The following ZCCHC7 variants were observed in gnomAD, a reference collection of about 807,000 sequenced individuals.
The protein encoded by ZCCHC7 is zinc finger CCHC-type containing 7.
Under a neutral mutation model 52.0 loss-of-function variants are expected in ZCCHC7, and 35 were observed. The ratio of observed to expected loss-of-function variants is 0.67; its 90% CI spans 0.51 to 0.89. The LOEUF is 0.89. Among genes scored for constraint, ZCCHC7 ranks in the 40% least tolerant of loss-of-function variants. The probability of loss-of-function intolerance (pLI) is 0.00; values close to 1 mark genes in which losing one functional copy is unlikely to be tolerated. For synonymous variants in ZCCHC7, 217 were observed against 221.5 expected, an observed-to-expected ratio of 0.98 and a Z score of 0.18; for missense variants, 574 against 649.1, an observed-to-expected ratio of 0.88 and a Z score of 1.26.
intron 2 of ZCCHC7, among the ~76,000 whole-genome samples, chr9:37,288,308 C>CTATA (rs1828358509): frequency 6.8e-6 from 1 of 147,764 alleles, no homozygotes; most frequent in Admixed American, 6.7e-5. Context: ...ATCTATCTAT[C>CTATA]TATATAGATA....
At chr9:37,294,628 A>G (rs1037224624) in intron 2 of ZCCHC7, among the ~76,000 whole-genome samples, 1 of 152,198 alleles carries the variant, frequency 6.6e-6, no homozygotes, top group African/African-American at 2.4e-5. Context: ...TTATATAATG[A>G]TAGTTCATTA....
chr9:37,307,007 A>G (rs1255913435), intron 5 of ZCCHC7, among the ~76,000 whole-genome samples: 1 of 150,748 alleles, frequency 6.6e-6, no homozygotes, highest in Non-Finnish European at 1.5e-5. Flanking sequence ...GCTGGTCTCG[A>G]ACTCCTGACC....
At chr9:37,305,272 C>T (rs77882755) in intron 4 of ZCCHC7, among the ~76,000 whole-genome samples, 7,724 of 152,234 alleles carry the variant, frequency 0.051, 640 homozygotes, top group African/African-American at 0.17. Flanking sequence ...TACTTTCCCT[C>T]TTACATACCT....
At chr9:37,196,993 G>A (rs1265784131) in intron 2 of ZCCHC7, among the ~76,000 whole-genome samples, 1 of 152,138 alleles carries the variant, frequency 6.6e-6, no homozygotes, top group East Asian at 1.9e-4. Flanking sequence ...GTTATATATT[G>A]TAACGTATTA....
chr9:37,345,170 T>C (rs887506602), intron 6 of ZCCHC7, among the ~76,000 whole-genome samples: 1 of 152,246 alleles, frequency 6.6e-6, no homozygotes, highest in African/African-American at 2.4e-5. Flanking sequence ...CTTCATCTTA[T>C]ATAACCCATC....
At chr9:37,140,022 G>A (rs1349894115) in intron 2 of ZCCHC7, among the ~76,000 whole-genome samples, 1 of 151,806 alleles carries the variant, frequency 6.6e-6, no homozygotes, top group African/African-American at 2.4e-5. Flanking sequence ...CTTTAAAAAA[G>A]CCAGGTGAGG....
At position 37,305,599 on chromosome 9, in the gene ZCCHC7, C is replaced by T. The variant is rs140562221; in HGVS notation, c.836C>T (p.Pro279Leu). The T allele has an allele frequency of 9.9e-6, 16 of 1,613,928 alleles. No individual in the cohort carries two copies. The highest frequency in any genetic ancestry group is 1.4e-5 in the Non-Finnish European group (16 of 1,180,004). Residue 279 changes from proline (P) to leucine (L), a missense_variant, in exon 5 of 9, where the codon CCA (proline) becomes CTA (leucine). Coordinates refer to ENST00000336755, the MANE Select transcript of ZCCHC7 (RefSeq NM_032226.3). Reference protein sequence around the residue: ...SRRGHLLYSCPAPLCEYCPVP... With the variant: ...SRRGHLLYSCLAPLCEYCPVP... ...AGAGGACATCTCCTGTATTCCTGTC[C>T]AGCCCCCCTTTGCGAATACTGTCCT... is the stretch of plus-strand genomic sequence containing the variant.
At chr9:37,184,145 G>A (rs566328678) in intron 2 of ZCCHC7, among the ~76,000 whole-genome samples, 3 of 152,210 alleles carry the variant, frequency 2.0e-5, no homozygotes, top group East Asian at 3.8e-4. Context: ...TATTTTGTAC[G>A]TTTTGGAAGC....
intron 6 of ZCCHC7, among the ~76,000 whole-genome samples, chr9:37,329,236 TA>T (rs1338767176): frequency 2.3e-4 from 35 of 151,958 alleles, no homozygotes; most frequent in African/African-American, 7.5e-4. Context: ...AGTATGATTT[TA>T]AAGCTGCTCT....
intron 2 of ZCCHC7, among the ~76,000 whole-genome samples, chr9:37,152,191 TAAAC>T (rs1202197259): frequency 6.6e-6 from 1 of 152,136 alleles, no homozygotes; most frequent in African/African-American, 2.4e-5. Flanking sequence ...GGTAGGAAAA[TAAAC>T]TTGAACTTCC....
intron 2 of ZCCHC7, among the ~76,000 whole-genome samples, chr9:37,206,435 G>A (rs1012093331): frequency 2.1e-4 from 32 of 151,832 alleles, no homozygotes; most frequent in African/African-American, 7.0e-4. Flanking sequence ...TTGGCTCAGC[G>A]CAACCTGCTG....
At chr9:37,201,435 C>T (rs777043949) in intron 2 of ZCCHC7, among the ~76,000 whole-genome samples, 4 of 152,110 alleles carry the variant, frequency 2.6e-5, no homozygotes, top group Non-Finnish European at 2.9e-5. Flanking sequence ...CCTGCTTGTA[C>T]GGCTAAGGAG....
chr9:37,354,658 G>T lies in ZCCHC7; in HGVS notation c.1084-52G>T. ...ACATGCTCCAGAATCTTGCAAAAAGGTTTTTGAACAGTGTGACCATGTGAC... is the reference window on the plus strand; with the variant it reads ...ACATGCTCCAGAATCTTGCAAAAAGTTTTTTGAACAGTGTGACCATGTGAC... On this transcript the variant is annotated intron_variant, in intron 7 of 8. Coordinates refer to ENST00000336755, the MANE Select transcript of ZCCHC7 (RefSeq NM_032226.3). The surrounding 1 kb of genome is among the most constrained non-coding windows in gnomAD (Gnocchi z 4.0). 1 of 1,359,132 alleles carries T rather than the reference G, an allele frequency of 7.4e-7. No homozygotes were observed. 84.2% of individuals were successfully genotyped at this position (1,359,132 alleles called of 1,614,324 possible).
chr9:37,278,034 G>GTGTGTTTTGTTTTGTTTTGTTTTGTTT (rs74182939), intron 2 of ZCCHC7, among the ~76,000 whole-genome samples: 15,831 of 142,654 alleles, frequency 0.11, 1,100 homozygotes, highest in Non-Finnish European at 0.15. Flanking sequence ...GTGTGTGTGT[G>GTGTGTTTTGTTTTGTTTTGTTTTGTTT]TGTTTTGTTT....
At chr9:37,163,901 T>C (rs894436716) in intron 2 of ZCCHC7, among the ~76,000 whole-genome samples, 1 of 152,212 alleles carries the variant, frequency 6.6e-6, no homozygotes, top group East Asian at 1.9e-4. Context: ...TATGGAGATA[T>C]CTAACTTCTA....
intron 8 of ZCCHC7, among the ~76,000 whole-genome samples, chr9:37,355,688 C>T (rs1821657110): frequency 6.6e-6 from 1 of 152,186 alleles, no homozygotes; most frequent in South Asian, 2.1e-4. Flanking sequence ...GTTGACTCTG[C>T]AGAACCTGAT....
chr9:37,301,047 A>C (rs1175114079), intron 2 of ZCCHC7, among the ~76,000 whole-genome samples: 1 of 152,272 alleles, frequency 6.6e-6, no homozygotes, highest in Admixed American at 6.5e-5. Flanking sequence ...CTAAGAACCT[A>C]ACCCTATTAG....
chr9:37,258,181 C>CT (rs1323787908), intron 2 of ZCCHC7, among the ~76,000 whole-genome samples: 1 of 152,126 alleles, frequency 6.6e-6, no homozygotes, highest in Admixed American at 6.5e-5. Context: ...GAGCACTATC[C>CT]TTTATGTCTC....
chr9:37,211,824 C>T (rs1405827375), intron 2 of ZCCHC7, among the ~76,000 whole-genome samples: 1 of 151,770 alleles, frequency 6.6e-6, no homozygotes, highest in African/African-American at 2.4e-5. Context: ...GTCAGGAGAT[C>T]GAGACCATCC....
Sources: allele counts gnomAD v4.1 joint callset (sites outside exome capture counted in the v4.1 genomes callset), GRCh38; gene constraint gnomAD v4.1.1; non-coding constraint Gnocchi (gnomAD v3.1); transcripts MANE v1.5; gene names NCBI Gene and HGNC (gene_info 2026-07-23, HGNC 2026-07-21).